The following EIF3B variants were observed in gnomAD, a reference collection of about 807,000 sequenced individuals.
EIF3B encodes the protein eukaryotic translation initiation factor 3 subunit B.
A neutral mutation model predicts 104.6 loss-of-function variants in EIF3B; 10 were observed. The observed-to-expected ratio is 0.10, with a 90% confidence interval of 0.06 to 0.16. The LOEUF (loss-of-function observed/expected upper bound fraction) is 0.16. Among genes scored for constraint, EIF3B ranks in the 10% least tolerant of loss-of-function variants. The pLI, the probability that EIF3B is intolerant of heterozygous loss-of-function variation, is 1.00. For missense variants in EIF3B, 1,014 were observed against 1,087.9 expected (o/e 0.93, Z 0.96); for synonymous variants, 542 against 417.2 (o/e 1.30, Z -3.65).
At chr7:2,375,153 A>G (rs1780564110) in intron 13 of EIF3B, 1 of 533,026 alleles carries the variant, frequency 1.9e-6, no homozygotes, top group Non-Finnish European at 3.4e-6. Flanking sequence ...ACTTAGCCTC[A>G]GATAACATTT....
At position 2,356,621 on chromosome 7, in the gene EIF3B, AAAAG is replaced by A. The variant is rs1179363817; in HGVS notation, c.499+1205_499+1208del. Among the ~76,000 whole-genome samples the A allele has an allele frequency of 3.6e-3, 542 of 150,974 alleles. 4 individuals are homozygous for A. The highest frequency in any genetic ancestry group is 0.012 in the African/African-American group (484 of 41,196). ...CCGTCTCAAAAAAAAAAAAAAAAGAAAAAGAAAAAAAGGTTATCAGAAATACAAG... is the reference window on the plus strand; with the variant it reads ...CCGTCTCAAAAAAAAAAAAAAAAGAAAAAAAAAGGTTATCAGAAATACAAG... On this transcript the variant is annotated intron_variant, in intron 1 of 18. Transcript: ENST00000360876.
chr7:2,380,615 C>G lies in EIF3B; in HGVS notation c.*426C>G. On this transcript the variant is annotated 3_prime_UTR_variant, in exon 19 of 19. Coordinates refer to ENST00000360876, the MANE Select transcript of EIF3B (RefSeq NM_001037283.2). The stretch of plus-strand genomic sequence containing the variant: ...CGTTGAAGGACTTGCATCCCCATTG[C>G]GGGCAGTGCTGGACGTGTCCCGGAG... 3.0e-6 allele frequency: 1 copy of G among 335,072 alleles called. No individual in the cohort carries two copies. The highest frequency in any genetic ancestry group is 2.3e-5 in the South Asian group (1 of 44,420). 20.8% of individuals were successfully genotyped at this position (335,072 alleles called of 1,614,324 possible).
At chr7:2,370,809 C>T (rs576549301) in intron 10 of EIF3B, among the ~76,000 whole-genome samples, 3 of 152,238 alleles carry the variant, frequency 2.0e-5, no homozygotes, top group South Asian at 2.1e-4. Context: ...GGCACGGTGG[C>T]TCACGCCTGT....
chr7:2,380,143 C>G (rs982166515), intron 18 of EIF3B, 61 bp from the exon 19 acceptor site: 3 of 330,558 alleles, frequency 9.1e-6, no homozygotes, highest in East Asian at 9.0e-5. Flanking sequence ...AGGCGATGTT[C>G]AGGGGGTCCC....
chr7:2,379,482 C>G lies in EIF3B; in HGVS notation c.2430C>G (p.Leu810=), dbSNP rs958869064. The G allele has an allele frequency of 6.3e-7, 1 of 1,575,130 alleles. No homozygotes were observed. The highest frequency in any genetic ancestry group is 1.9e-5 in the Admixed American group (1 of 53,674). ...TCGTCACTGAAGAAATCATTCCCCTCGGGAATCAGGAGTGACCTGGAGCAC... is the reference window on the plus strand; with the variant it reads ...TCGTCACTGAAGAAATCATTCCCCTGGGGAATCAGGAGTGACCTGGAGCAC... ...EFFVTEEIIP[L]GNQE The change falls in exon 18 of 19, where the codon CTC becomes CTG. Residue 810 remains leucine, a synonymous_variant. Transcript: ENST00000360876.
chr7:2,365,918 T>G (rs1780000120), intron 6 of EIF3B, among the ~76,000 whole-genome samples: 2 of 152,078 alleles, frequency 1.3e-5, no homozygotes. Context: ...ACTCCGGACC[T>G]TGGGTGATCC....
At chr7:2,356,837 C>A (rs139497380) in intron 1 of EIF3B, among the ~76,000 whole-genome samples, 5 of 151,852 alleles carry the variant, frequency 3.3e-5, no homozygotes, top group African/African-American at 1.2e-4. Context: ...GTTACTGTGA[C>A]CATTACTATA....
In EIF3B at chr7:2,374,510, C is replaced by T. The variant is rs752017599; in HGVS notation, c.1811-18C>T. 1.1e-5 allele frequency: 17 copies of T among 1,613,050 alleles called. No homozygotes were observed. Among genetic ancestry groups the T allele is most frequent in the Admixed American group, 3.3e-5 (2 of 59,992 alleles). On this transcript the variant is annotated intron_variant, in intron 12 of 18. Transcript: ENST00000360876. ...GGAAGCCCTCGCAGCTCGTGACAGG[C>T]GCGCTCTTTCCTTTCAGAGATGTTC...
At chr7:2,359,717 C>T (rs1398888734) in intron 1 of EIF3B, among the ~76,000 whole-genome samples, 1 of 152,200 alleles carries the variant, frequency 6.6e-6, no homozygotes, top group Non-Finnish European at 1.5e-5. Flanking sequence ...CGACTGCCAT[C>T]TGAAATGGGG....
rs71026506 is a variant in EIF3B, at chr7:2,367,825, ATTTTTTTTTTTTTTT to A, written c.1403+800_1403+814del. Among the ~76,000 whole-genome samples, 266 of 60,340 alleles carry A rather than the reference ATTTTTTTTTTTTTTT, an allele frequency of 4.4e-3. 4 individuals carry two copies. The highest frequency in any genetic ancestry group is 0.021 in the African/African-American group (249 of 11,688). 39.6% of individuals were successfully genotyped at this position (60,340 alleles called of 152,430 possible). A position where few individuals can be genotyped will look rare whatever the true frequency, so the allele number is the denominator to read the frequency against. On this transcript the variant is annotated intron_variant, in intron 9 of 18. Transcript: ENST00000360876. ...ACGGTGAGTTTGTTCTTTTTTTAAA[ATTTTTTTTTTTTTTT>A]TTTTTTTTTTTTTTTTTTTGAGGCA...
At position 2,361,381 on chromosome 7, in the gene EIF3B, A is replaced by G. The variant is rs1779718294; in HGVS notation, c.692+479A>G. The stretch of plus-strand genomic sequence containing the variant: ...GTTGAAGGATGGCCTCTTGACCCTC[A>G]GTTACTCGTGTTATAATGAAACATT... On this transcript the variant is annotated intron_variant, in intron 2 of 18. Transcript: ENST00000360876. 2.0e-5 allele frequency among the ~76,000 whole-genome samples: 3 copies of G among 152,144 alleles called. No individual in the cohort carries two copies. In the South Asian group the frequency reaches 6.2e-4, roughly 32 times the overall value.
At chr7:2,371,959 G>A in intron 11 of EIF3B, 110 bp downstream of exon 11, 1 of 860,948 alleles carries the variant, frequency 1.2e-6, no homozygotes, top group Non-Finnish European at 2.0e-6. Context: ...TCAGGACTGT[G>A]AGCCCTCACC....
At chr7:2,368,936 A>G (rs1351296464) in intron 9 of EIF3B, among the ~76,000 whole-genome samples, 1 of 152,240 alleles carries the variant, frequency 6.6e-6, no homozygotes, top group Non-Finnish European at 1.5e-5. Context: ...GCAAAACAGC[A>G]CATAGCGTGT....
intron 18 of EIF3B, 46 bp from the exon 19 acceptor site, chr7:2,380,158 C>G: frequency 3.0e-6 from 1 of 333,578 alleles, no homozygotes; most frequent in South Asian, 2.2e-5. Flanking sequence ...GGTCCCTCAG[C>G]CTTTTGAGGT....
At chr7:2,360,155 C>T (rs1358522911) in intron 1 of EIF3B, among the ~76,000 whole-genome samples, 2 of 152,152 alleles carry the variant, frequency 1.3e-5, no homozygotes, top group South Asian at 2.1e-4. Flanking sequence ...AGAGTTACTA[C>T]TTTCATCCCA....
In EIF3B at chr7:2,376,941, C is replaced by T; in HGVS notation, c.2029-9C>T. The T allele has an allele frequency of 6.2e-7, 1 of 1,612,628 alleles. No individual in the cohort carries two copies. Among genetic ancestry groups the T allele is most frequent in the Non-Finnish European group, 8.5e-7 (1 of 1,179,058 alleles). ...CTCTGTGTCCTGGTGTGTCCCTGCC[C>T]TGGCCTAGGTGGACAACGCGTACTG... On this transcript the variant is annotated splice_polypyrimidine_tract_variant and intron_variant, in intron 14 of 18. Coordinates refer to ENST00000360876, the MANE Select transcript of EIF3B (RefSeq NM_001037283.2).
At chr7:2,355,442 C>A in intron 1 of EIF3B, 22 bp downstream of exon 1, 1 of 1,424,028 alleles carries the variant, frequency 7.0e-7, no homozygotes, top group South Asian at 1.4e-5. Context: ...CGGGGCGGGG[C>A]TGGCGAGCGG....
At chr7:2,354,700 T>A (rs1307435018), upstream of EIF3B, among the ~76,000 whole-genome samples, 1 of 152,136 alleles carries the variant, frequency 6.6e-6, no homozygotes, top group African/African-American at 2.4e-5. Context: ...GTCACAAATA[T>A]ATCAGTTTGA....
chr7:2,362,513 G>T, intron 2 of EIF3B, 132 bp from the exon 3 acceptor site: 1 of 1,151,582 alleles, frequency 8.7e-7, no homozygotes, highest in Non-Finnish European at 1.2e-6. Context: ...GACTGCCTTA[G>T]GCTCGAGGCA....
Sources: allele counts gnomAD v4.1 joint callset (sites outside exome capture counted in the v4.1 genomes callset), GRCh38; gene constraint gnomAD v4.1.1; transcripts MANE v1.5; gene names NCBI Gene and HGNC (gene_info 2026-07-23, HGNC 2026-07-21).